PDCL2: variants seen among roughly 807,000 people sequenced by gnomAD.
PDCL2 encodes the protein phosducin-like protein 2.
A neutral mutation model predicts 30.3 loss-of-function variants in PDCL2; 23 were observed. That is an observed-to-expected ratio of 0.76 (90% CI 0.55 to 1.08). The LOEUF is 1.08. Among genes scored for constraint, PDCL2 ranks in the 50% least tolerant of loss-of-function variants. The probability of loss-of-function intolerance (pLI) is 0.00; values close to 1 mark genes in which losing one functional copy is unlikely to be tolerated. For synonymous variants in PDCL2, 68 were observed against 86.2 expected (o/e 0.79, Z 1.17); for missense variants, 243 against 282.3 (o/e 0.86, Z 1.00).
chr4:55,583,371 C>A (rs2110166956), intron 1 of PDCL2, among the ~76,000 whole-genome samples: 1 of 152,280 alleles, frequency 6.6e-6, no homozygotes, highest in East Asian at 1.9e-4. Flanking sequence ...TAGATTGTCT[C>A]TTCACTTTGT....
chr4:55,569,800 C>G lies in PDCL2; in HGVS notation c.280G>C (p.Glu94Gln). ...KKKQKFGELREISGNQYVNEV... is the reference protein window; with the variant it reads ...KKKQKFGELRQISGNQYVNEV... ...TTCACATACTGATTTCCAGAAATTT[C>G]TCTTAATTCTCCAAATTTTTGTTTT... The change falls in exon 4 of 6, where the codon GAA (glutamate) becomes CAA (glutamine). Residue 94 changes from glutamate to glutamine, a missense_variant. Coordinates refer to ENST00000295645, the MANE Select transcript of PDCL2 (RefSeq NM_152401.3). 1 of 1,562,292 alleles carries G rather than the reference C, an allele frequency of 6.4e-7. No individual in the cohort carries two copies. Among genetic ancestry groups the G allele is most frequent in the Admixed American group, 1.9e-5 (1 of 52,402 alleles).
intron 5 of PDCL2, among the ~76,000 whole-genome samples, chr4:55,560,641 A>G (rs1732107722): frequency 6.6e-6 from 1 of 152,132 alleles, no homozygotes; most frequent in South Asian, 2.1e-4. Flanking sequence ...GCAAGCATAA[A>G]CAAATGTTCA....
At chr4:55,576,410 T>C (rs1732568851) in intron 3 of PDCL2, among the ~76,000 whole-genome samples, 1 of 152,208 alleles carries the variant, frequency 6.6e-6, no homozygotes, top group South Asian at 2.1e-4. Context: ...GGTTTCTAAC[T>C]TCTCTTTTTT....
chr4:55,557,368 C>T (rs1731998551), intron 5 of PDCL2, among the ~76,000 whole-genome samples: 1 of 152,104 alleles, frequency 6.6e-6, no homozygotes, highest in South Asian at 2.1e-4. Flanking sequence ...CAGGTGAGGG[C>T]CTTCTTGCTG....
At chr4:55,566,099 C>G (rs541848350) in intron 4 of PDCL2, among the ~76,000 whole-genome samples, 69 of 149,788 alleles carry the variant, frequency 4.6e-4, no homozygotes, top group African/African-American at 1.5e-3. Context: ...CCTGCCTCAG[C>G]CTCCCAAGTA....
chr4:55,571,166 C>T (rs1163205044), intron 3 of PDCL2, among the ~76,000 whole-genome samples: 1 of 152,112 alleles, frequency 6.6e-6, no homozygotes, highest in Non-Finnish European at 1.5e-5. Context: ...ACTCTGCTTA[C>T]CCTGCCTTGC....
At chr4:55,568,787 T>G (rs990419582) in intron 4 of PDCL2, among the ~76,000 whole-genome samples, 1 of 152,196 alleles carries the variant, frequency 6.6e-6, no homozygotes, top group Non-Finnish European at 1.5e-5. Context: ...TCTTAATCAC[T>G]GGATAAAGCT....
At chr4:55,563,991 AT>A (rs897231013) in intron 4 of PDCL2, among the ~76,000 whole-genome samples, 57 of 152,282 alleles carry the variant, frequency 3.7e-4, no homozygotes, top group African/African-American at 1.3e-3. Flanking sequence ...ATGAATGCAG[AT>A]TTTCTCTACA....
chr4:55,576,690 A>T (rs1222294576), intron 3 of PDCL2, among the ~76,000 whole-genome samples: 2 of 152,246 alleles, frequency 1.3e-5, no homozygotes, highest in African/African-American at 4.8e-5. Context: ...TAGAAAAATC[A>T]GCTAACTGTG....
chr4:55,590,657 T>TTC (rs1225651545), intron 1 of PDCL2, among the ~76,000 whole-genome samples: 2 of 151,028 alleles, frequency 1.3e-5, no homozygotes, highest in African/African-American at 2.4e-5. Context: ...CAGCTAATTT[T>TTC]TTTTTTTTTG....
intron 4 of PDCL2, among the ~76,000 whole-genome samples, chr4:55,567,572 T>G (rs541154082): frequency 1.1e-4 from 17 of 152,190 alleles, no homozygotes; most frequent in Non-Finnish European, 2.5e-4. Context: ...TACTCCCTCC[T>G]TGACCTATGT....
intron 5 of PDCL2, among the ~76,000 whole-genome samples, chr4:55,562,093 G>A (rs1732150166): frequency 6.6e-6 from 1 of 152,148 alleles, no homozygotes; most frequent in Admixed American, 6.5e-5. Flanking sequence ...CTATTTGTGG[G>A]TTGTGGCTGA....
intron 1 of PDCL2, among the ~76,000 whole-genome samples, chr4:55,585,561 C>CAA (rs373988270): frequency 9.9e-5 from 15 of 151,826 alleles, no homozygotes; most frequent in South Asian, 4.2e-4. Flanking sequence ...CACACACACA[C>CAA]AAAGATTTAG....
At chr4:55,591,343 A>T (rs1732994562) in intron 1 of PDCL2, among the ~76,000 whole-genome samples, 1 of 151,548 alleles carries the variant, frequency 6.6e-6, no homozygotes, top group Admixed American at 6.6e-5. Context: ...ACCATTAGAC[A>T]GAGGAGGAGC....
chr4:55,567,078 T>C (rs1405502475), intron 4 of PDCL2, among the ~76,000 whole-genome samples: 1 of 152,200 alleles, frequency 6.6e-6, no homozygotes, highest in Non-Finnish European at 1.5e-5. Flanking sequence ...GTTTTATAAA[T>C]GTCCGTGTTT....
chr4:55,579,122 G>T (rs906116967), intron 3 of PDCL2, among the ~76,000 whole-genome samples: 2 of 147,586 alleles, frequency 1.4e-5, no homozygotes, highest in African/African-American at 2.5e-5. Context: ...TGATTTTGTT[G>T]TTCAAGTTGT....
At chr4:55,583,421 T>A (rs1206174607) in intron 1 of PDCL2, among the ~76,000 whole-genome samples, 1 of 152,232 alleles carries the variant, frequency 6.6e-6, no homozygotes, top group Non-Finnish European at 1.5e-5. Context: ...TTTAGTTCGA[T>A]GTAATCTTGT....
intron 4 of PDCL2, among the ~76,000 whole-genome samples, chr4:55,564,607 A>C (rs1732214348): frequency 6.6e-6 from 1 of 152,180 alleles, no homozygotes; most frequent in African/African-American, 2.4e-5. Flanking sequence ...TAAAACCAGA[A>C]ACAAGACTGA....
intron 3 of PDCL2, among the ~76,000 whole-genome samples, chr4:55,580,593 A>T (rs1294604886): frequency 6.6e-6 from 1 of 152,174 alleles, no homozygotes; most frequent in African/African-American, 2.4e-5. Context: ...TGATGAAGTT[A>T]TATTGTACAT....
Sources: gnomAD v4.1 joint callset for allele counts (sites outside exome capture counted in the v4.1 genomes callset) on GRCh38, gnomAD v4.1.1 for gene constraint, MANE v1.5 for transcripts, NCBI Gene and HGNC (gene_info 2026-07-23, HGNC 2026-07-21) for gene names.